STRA8: variants seen among roughly 807,000 people sequenced by gnomAD.
STRA8 encodes stimulated by retinoic acid 8.
Under a neutral mutation model 37.1 loss-of-function variants are expected in STRA8, and 18 were observed. That is an observed-to-expected ratio of 0.48 (90% confidence interval 0.34 to 0.72). The LOEUF (loss-of-function observed/expected upper bound fraction) is 0.72, where lower values mean the gene tolerates loss of function less well. STRA8 is among the 30% of genes least tolerant of loss of function. The pLI, the probability that STRA8 is intolerant of heterozygous loss-of-function variation, is 0.01. For synonymous variants in STRA8, 168 were observed against 162.9 expected (o/e 1.03, Z -0.24); for missense variants, 357 against 410.4 (o/e 0.87, Z 1.13).
At chr7:135,251,292 CT>C (rs1415638671) in intron 6 of STRA8, among the ~76,000 whole-genome samples, 1 of 152,172 alleles carries the variant, frequency 6.6e-6, no homozygotes, top group East Asian at 1.9e-4. Context: ...GATGAAGTAA[CT>C]TGTCCCAGGT....
chr7:135,255,620 G>A (rs1832694078), intron 8 of STRA8, among the ~76,000 whole-genome samples: 1 of 152,230 alleles, frequency 6.6e-6, no homozygotes, highest in Admixed American at 6.5e-5. Context: ...ACCCTATTAT[G>A]AACTGCTCAT....
Position 135,246,177 on chromosome 7 carries a change from G to A in STRA8, c.594-240G>A. The A allele has an allele frequency of 1.7e-6, 1 of 580,342 alleles. No homozygotes were observed. Among genetic ancestry groups the A allele is most frequent in the Admixed American group, 3.0e-5 (1 of 32,858 alleles). 35.9% of individuals were successfully genotyped at this position (580,342 alleles called of 1,614,324 possible). Reference sequence around the variant, plus strand: ...TCTGTCTAACACAGAAGGCTTCATGGGGCAGGGACTGGGAGAACTTGGGGA... The same window carrying A: ...TCTGTCTAACACAGAAGGCTTCATGAGGCAGGGACTGGGAGAACTTGGGGA... On this transcript the variant is annotated intron_variant, in intron 5 of 8. Coordinates refer to ENST00000662584, the MANE Select transcript of STRA8 (RefSeq NM_001394401.1). The surrounding 1 kb of genome is among the most constrained non-coding windows in gnomAD (Gnocchi z 5.4).
rs1206241091 is a variant in STRA8 at position 135,251,798 on chromosome 7, C to A, written c.882C>A (p.Ile294=). ...TGAAGTGTTGTGCTTTCTTTCAGATCCTTTTTGAGGATGCCTTTGATGTGG... is the reference window on the plus strand; with the variant it reads ...TGAAGTGTTGTGCTTTCTTTCAGATACTTTTTGAGGATGCCTTTGATGTGG... ...SCSLVSTPEE[I]LFEDAFDVAS... Residue 294 remains isoleucine (I), a splice_region_variant and synonymous_variant, in exon 7 of 9, where the codon ATC becomes ATA. Coordinates refer to ENST00000662584, the MANE Select transcript of STRA8 (RefSeq NM_001394401.1). 3.1e-6 allele frequency: 5 copies of A among 1,613,970 alleles called. No homozygotes were observed. The highest frequency in any genetic ancestry group is 3.4e-6 in the Non-Finnish European group (4 of 1,180,002).
chr7:135,256,348 G>GT (rs1167174098), intron 8 of STRA8, among the ~76,000 whole-genome samples: 1 of 151,428 alleles, frequency 6.6e-6, no homozygotes, highest in East Asian at 1.9e-4. Flanking sequence ...CAATCCTTGG[G>GT]TGACAGTCCC....
In STRA8 at chr7:135,255,165, C is replaced by G. The variant is rs1190850323; in HGVS notation, c.1005C>G (p.Leu335=). The G allele has an allele frequency of 1.2e-6, 2 of 1,614,082 alleles. No homozygotes were observed. Among genetic ancestry groups the G allele is most frequent in the South Asian group, 1.1e-5 (1 of 91,060 alleles). ...NPENPEEKFQ[L]YMQIINFFKG... is the part of the protein sequence containing the mutation. Reference sequence around the variant, plus strand: ...AAAACCCAGAGGAGAAGTTTCAGCTCTATATGCAGATCATCAACTTTTTTA... The same window carrying G: ...AAAACCCAGAGGAGAAGTTTCAGCTGTATATGCAGATCATCAACTTTTTTA... The change falls in exon 8 of 9, where the codon CTC becomes CTG. Residue 335 remains leucine (L), a synonymous_variant. Coordinates refer to ENST00000662584, the MANE Select transcript of STRA8 (RefSeq NM_001394401.1).
At chr7:135,232,244 T>A (rs776446786), upstream of STRA8, among the ~76,000 whole-genome samples, 24 of 151,136 alleles carry the variant, frequency 1.6e-4, no homozygotes, top group Non-Finnish European at 3.1e-4. Flanking sequence ...AACCCCTAGG[T>A]CCCCAGCAAC....
chr7:135,238,682 T>C (rs111508075), intron 1 of STRA8, among the ~76,000 whole-genome samples: 32 of 152,342 alleles, frequency 2.1e-4, no homozygotes, highest in Admixed American at 5.9e-4. Flanking sequence ...CTGTTGCTCC[T>C]TAATTTAAAC....
chr7:135,238,281 C>G lies in STRA8; in HGVS notation c.-6-2238C>G, dbSNP rs137923154. On this transcript the variant is annotated intron_variant, in intron 1 of 8. Coordinates refer to ENST00000662584, the MANE Select transcript of STRA8 (RefSeq NM_001394401.1). ...GCAAGATGGAGGCCACGGCTCCAGG[C>G]AGCTTGGCCAGCATGCTCTGGGGCT... Among the ~76,000 whole-genome samples, 10 of 152,322 alleles carry G rather than the reference C, an allele frequency of 6.6e-5. No individual in the cohort carries two copies. The East Asian group carries it at 1.9e-3, about 29-fold the overall frequency.
At chr7:135,245,735 C>T (rs1206273712) in intron 5 of STRA8, among the ~76,000 whole-genome samples, 1 of 152,150 alleles carries the variant, frequency 6.6e-6, no homozygotes, top group African/African-American at 2.4e-5. Context: ...GAGAAATAGT[C>T]TCAAAGCTAC....
intron 8 of STRA8, 89 bp from the exon 9 acceptor site, chr7:135,258,329 G>A (rs945411719): frequency 2.0e-5 from 21 of 1,068,248 alleles, no homozygotes; most frequent in Non-Finnish European, 2.9e-5. Context: ...TGGGGGCTGG[G>A]CACACCGGAG....
At chr7:135,241,560 T>C (rs143178778) in intron 2 of STRA8, among the ~76,000 whole-genome samples, 124 of 152,340 alleles carry the variant, frequency 8.1e-4, no homozygotes, top group African/African-American at 2.8e-3. Flanking sequence ...TCTCTGCTCA[T>C]GCAGTTAGCT....
At chr7:135,244,247 C>A (rs1313407968) in intron 4 of STRA8, among the ~76,000 whole-genome samples, 1 of 152,138 alleles carries the variant, frequency 6.6e-6, no homozygotes, top group Non-Finnish European at 1.5e-5. Context: ...TTAGTAGACA[C>A]GGGGTTTCAA....
chr7:135,256,300 G>C (rs1217754332), intron 8 of STRA8, among the ~76,000 whole-genome samples: 1 of 152,146 alleles, frequency 6.6e-6, no homozygotes, highest in African/African-American at 2.4e-5. Context: ...GAATCCTTAT[G>C]TGGAGCCCTT....
chr7:135,236,415 C>T (rs1832379888), intron 1 of STRA8, among the ~76,000 whole-genome samples: 1 of 152,090 alleles, frequency 6.6e-6, no homozygotes, highest in Non-Finnish European at 1.5e-5. Flanking sequence ...CTTGCCTTTC[C>T]CTTTACCAGC....
intron 6 of STRA8, among the ~76,000 whole-genome samples, chr7:135,248,110 C>T (rs1046478505): frequency 8.5e-5 from 13 of 152,170 alleles, no homozygotes; most frequent in African/African-American, 3.1e-4. Context: ...AGAGAGCGTC[C>T]GATTGTCTCT....
chr7:135,234,905 C>T (rs1170729243), intron 1 of STRA8, among the ~76,000 whole-genome samples: 1 of 152,184 alleles, frequency 6.6e-6, no homozygotes, highest in African/African-American at 2.4e-5. Context: ...TAGACAGAAT[C>T]TCACTCTGTC....
chr7:135,251,674 T>C (rs1436017463), intron 6 of STRA8, 122 bp from the exon 7 acceptor site: 14 of 911,978 alleles, frequency 1.5e-5, no homozygotes, highest in Admixed American at 7.7e-5. Flanking sequence ...AGCTCTGACA[T>C]GCATGCCCTC....
chr7:135,258,279 T>C, intron 8 of STRA8, 139 bp from the exon 9 acceptor site: 1 of 614,974 alleles, frequency 1.6e-6, no homozygotes, highest in Non-Finnish European at 2.8e-6. Context: ...TGGCCCAAGC[T>C]GGAGGTGAAA....
chr7:135,240,504 A>G lies in STRA8; in HGVS notation c.-6-15A>G. On this transcript the variant is annotated splice_polypyrimidine_tract_variant and intron_variant, in intron 1 of 8. Transcript: ENST00000662584. ...TTATCTAGGGCAAAAAAAAAAGCATACTATTACATTACAGCTTATAATGGC... is the reference window on the plus strand; with the variant it reads ...TTATCTAGGGCAAAAAAAAAAGCATGCTATTACATTACAGCTTATAATGGC... The G allele has an allele frequency of 1.2e-6, 2 of 1,605,022 alleles. No homozygotes were observed. The highest frequency in any genetic ancestry group is 1.7e-6 in the Non-Finnish European group (2 of 1,176,526).
Sources: allele counts gnomAD v4.1 joint callset (sites outside exome capture counted in the v4.1 genomes callset), GRCh38; gene constraint gnomAD v4.1.1; non-coding constraint Gnocchi (gnomAD v3.1); transcripts MANE v1.5; gene names NCBI Gene and HGNC (gene_info 2026-07-23, HGNC 2026-07-21).